The following TFCP2 variants were observed in gnomAD, a reference collection of about 807,000 sequenced individuals.
TFCP2 encodes the protein transcription factor CP2.
In TFCP2, 33 loss-of-function variants were observed where a neutral mutation model predicts 73.4. The ratio of observed to expected loss-of-function variants is 0.45; its 90% CI spans 0.34 to 0.60. TFCP2 has a LOEUF of 0.60. Among genes scored for constraint, TFCP2 ranks in the 20% least tolerant of loss-of-function variants. The probability of loss-of-function intolerance (pLI) is 0.01; values close to 1 mark genes in which losing one functional copy is unlikely to be tolerated. For missense variants in TFCP2, 352 were observed against 604.0 expected (o/e 0.58, Z 4.37); for synonymous variants, 193 against 211.6 (o/e 0.91, Z 0.76).
At chr12:51,134,377 C>T (rs553578258) in intron 1 of TFCP2, among the ~76,000 whole-genome samples, 4 of 152,140 alleles carry the variant, frequency 2.6e-5, no homozygotes, top group African/African-American at 4.8e-5. Flanking sequence ...CTTCACCTCC[C>T]GGGCTGAAGC....
intron 13 of TFCP2, among the ~76,000 whole-genome samples, chr12:51,097,304 G>A (rs546230856): frequency 6.5e-4 from 98 of 151,226 alleles, no homozygotes; most frequent in Middle Eastern, 3.4e-3. Context: ...GCTGGAGTGC[G>A]GTGGCGCAAT....
At chr12:51,140,356 T>C (rs780229751) in intron 1 of TFCP2, among the ~76,000 whole-genome samples, 4 of 150,786 alleles carry the variant, frequency 2.7e-5, no homozygotes. Context: ...TTGAGCCCAG[T>C]AATTCAACAC....
intron 1 of TFCP2, among the ~76,000 whole-genome samples, chr12:51,158,800 A>G (rs1029341907): frequency 6.6e-6 from 1 of 151,122 alleles, no homozygotes; most frequent in Non-Finnish European, 1.5e-5. Context: ...CTAGTCATCA[A>G]TATCTGGCTC....
At chr12:51,115,293 T>G (rs957512307) in intron 4 of TFCP2, among the ~76,000 whole-genome samples, 1 of 151,892 alleles carries the variant, frequency 6.6e-6, no homozygotes, top group Non-Finnish European at 1.5e-5. Context: ...CTAATTTCTT[T>G]GTATTTTGAG....
intron 6 of TFCP2, 79 bp from the exon 7 acceptor site, chr12:51,107,425 T>G: frequency 8.4e-7 from 1 of 1,185,216 alleles, no homozygotes. Context: ...ACTTAAATAT[T>G]CATGTATGAA....
intron 5 of TFCP2, among the ~76,000 whole-genome samples, chr12:51,110,065 G>C (rs1224842673): frequency 6.6e-6 from 1 of 152,008 alleles, no homozygotes; most frequent in East Asian, 1.9e-4. Flanking sequence ...TACTCCACAA[G>C]ATTATAGCTG....
At chr12:51,139,851 C>T (rs960801164) in intron 1 of TFCP2, among the ~76,000 whole-genome samples, 3 of 152,108 alleles carry the variant, frequency 2.0e-5, no homozygotes, top group Non-Finnish European at 4.4e-5. Flanking sequence ...GAATTGTCTC[C>T]TCCTCACCAT....
intron 3 of TFCP2, among the ~76,000 whole-genome samples, chr12:51,117,101 C>A (rs577299801): frequency 2.0e-5 from 3 of 152,142 alleles, no homozygotes; most frequent in Non-Finnish European, 4.4e-5. Context: ...CCAACTCCCC[C>A]GCTTGCTAAC....
chr12:51,122,630 AGGCTTT>A (rs1443260016), intron 1 of TFCP2, among the ~76,000 whole-genome samples: 1 of 152,214 alleles, frequency 6.6e-6, no homozygotes, highest in Admixed American at 6.5e-5. Flanking sequence ...TCTTTTGCTT[AGGCTTT>A]GCTCATATGA....
Position 51,103,999 on chromosome 12 carries a change from T to C in TFCP2, c.966+156A>G, listed in dbSNP as rs1456284199. The C allele has an allele frequency of 3.7e-6, 3 of 819,126 alleles. No homozygotes were observed. In the Admixed American group the frequency reaches 6.1e-5, roughly 17 times the overall value. 50.7% of individuals were successfully genotyped at this position (819,126 alleles called of 1,614,324 possible). ...TTACTTGTTTCATATCTTTAGTCCC[T>C]AGCACAGTATCTGGTTCATAGTCAA... On this transcript the variant is annotated intron_variant, in intron 9 of 14. Coordinates refer to ENST00000257915, the MANE Select transcript of TFCP2 (RefSeq NM_005653.5).
At chr12:51,145,760 A>G (rs1489715196) in intron 1 of TFCP2, among the ~76,000 whole-genome samples, 1 of 151,648 alleles carries the variant, frequency 6.6e-6, no homozygotes. Context: ...GACTAGCCTC[A>G]GCAACATAAG....
intron 1 of TFCP2, among the ~76,000 whole-genome samples, chr12:51,127,928 T>TC (rs1291221371): frequency 6.6e-6 from 1 of 151,330 alleles, no homozygotes; most frequent in African/African-American, 2.4e-5. Flanking sequence ...TTCTTTTCTT[T>TC]TTTTTTTTTG....
intron 1 of TFCP2, among the ~76,000 whole-genome samples, chr12:51,133,854 G>A (rs1248838186): frequency 6.6e-6 from 1 of 151,084 alleles, no homozygotes; most frequent in African/African-American, 2.4e-5. Flanking sequence ...CTCGGGAGGT[G>A]GAGGTTGCAG....
intron 12 of TFCP2, 61 bp from the exon 13 acceptor site, chr12:51,098,979 T>G: frequency 6.4e-7 from 1 of 1,567,630 alleles, no homozygotes; most frequent in Admixed American, 1.8e-5. Flanking sequence ...ACAGGTAACT[T>G]GATCACTAGG....
At chr12:51,123,853 C>A (rs777294420) in intron 1 of TFCP2, among the ~76,000 whole-genome samples, 1 of 152,180 alleles carries the variant, frequency 6.6e-6, no homozygotes, top group Non-Finnish European at 1.5e-5. Flanking sequence ...CCACTAAACT[C>A]CTATACTAGG....
At position 51,095,096 on chromosome 12, in the gene TFCP2, T is replaced by G. The variant is rs979228951; in HGVS notation, c.*145A>C. 2.3e-6 allele frequency: 2 copies of G among 868,156 alleles called. No homozygotes were observed. Among genetic ancestry groups the G allele is most frequent in the Non-Finnish European group, 3.8e-6 (2 of 521,568 alleles). The allele number at this position is 868,156 out of a possible 1,614,324, so 53.8% of individuals were successfully genotyped here. A position where few individuals can be genotyped will look rare whatever the true frequency, so the allele number is the denominator to read the frequency against. On this transcript the variant is annotated 3_prime_UTR_variant, in exon 15 of 15. Transcript: ENST00000257915. ...GGGCCAACACAGAGGGCCAGGATTC[T>G]GCCTCCATGGCCTGGACTCCTCCAC...
intron 1 of TFCP2, among the ~76,000 whole-genome samples, chr12:51,132,357 C>CTTTTTTTTTT (rs869123355): frequency 0.018 from 1,123 of 61,774 alleles, 414 homozygotes; most frequent in Non-Finnish European, 0.025. Flanking sequence ...AGGGATTAGT[C>CTTTTTTTTTT]TTTTTTTTTT....
chr12:51,106,430 T>C, intron 8 of TFCP2, 95 bp downstream of exon 8: 1 of 878,372 alleles, frequency 1.1e-6, no homozygotes, highest in Admixed American at 2.8e-5. Flanking sequence ...CAAATAGATA[T>C]ACTTATTGAT....
rs1161007748 is a variant in TFCP2, at chr12:51,131,165, TA to T, written c.123-12394del. On this transcript the variant is annotated intron_variant, in intron 1 of 14. Coordinates refer to ENST00000257915, the MANE Select transcript of TFCP2 (RefSeq NM_005653.5). ...CAACATGGTGAAACCCCATCTCTAC[TA>T]AAAAAAAAAAAACAAAAAATTAGCT... 8.4e-3 allele frequency among the ~76,000 whole-genome samples: 1,120 copies of T among 133,422 alleles called. 9 individuals are homozygous for T. Among genetic ancestry groups the T allele is most frequent in the African/African-American group, 0.026 (953 of 36,730 alleles). The allele number at this position is 133,422 out of a possible 152,430, so 87.5% of individuals were successfully genotyped here. A position where few individuals can be genotyped will look rare whatever the true frequency, so the allele number is the denominator to read the frequency against.
Sources: gnomAD v4.1 joint callset for allele counts (sites outside exome capture counted in the v4.1 genomes callset) on GRCh38, gnomAD v4.1.1 for gene constraint, MANE v1.5 for transcripts, NCBI Gene and HGNC (gene_info 2026-07-23, HGNC 2026-07-21) for gene names.